Variants in FSTL5 observed in about 807,000 individuals in gnomAD.
The protein encoded by FSTL5 is follistatin like 5.
FSTL5 carries 62 observed loss-of-function variants against 89.1 expected under a neutral mutation model. The ratio of observed to expected loss-of-function variants is 0.70; its 90% CI spans 0.57 to 0.86. The LOEUF (loss-of-function observed/expected upper bound fraction) is 0.86. Ranked by LOEUF, FSTL5 falls within the 40% of genes least tolerant of loss-of-function variation. The probability of loss-of-function intolerance (pLI) is 0.00; values close to 1 mark genes in which losing one functional copy is unlikely to be tolerated. For missense variants in FSTL5, 1,057 were observed against 1,001.6 expected, an observed-to-expected ratio of 1.06 and a Z score of -0.75; for synonymous variants, 383 against 346.2, an observed-to-expected ratio of 1.11 and a Z score of -1.18.
intron 7 of FSTL5, among the ~76,000 whole-genome samples, chr4:161,645,807 A>G (rs1391973368): frequency 6.6e-6 from 1 of 152,068 alleles, no homozygotes; most frequent in Non-Finnish European, 1.5e-5. Flanking sequence ...TTCCACTTGG[A>G]TTTTAAGAGC....
At chr4:161,501,030 C>A (rs72683736) in intron 11 of FSTL5, among the ~76,000 whole-genome samples, 10,937 of 152,040 alleles carry the variant, frequency 0.072, 505 homozygotes, top group Middle Eastern at 0.14. Flanking sequence ...CTCTTTTGAC[C>A]TGTTATATTG....
At chr4:161,892,863 T>C (rs1733031508) in intron 4 of FSTL5, among the ~76,000 whole-genome samples, 1 of 152,268 alleles carries the variant, frequency 6.6e-6, no homozygotes. Context: ...TCCTTAACTT[T>C]TAATTACAAC....
chr4:161,817,265 TAA>T lies in FSTL5; in HGVS notation c.410-41193_410-41192del, dbSNP rs544553013. ...AAACACATGCAACAAGTTGAATAATTAAGTTAAAGGCCTAGATCATAACAAGG... is the reference window on the plus strand; with the variant it reads ...AAACACATGCAACAAGTTGAATAATTGTTAAAGGCCTAGATCATAACAAGG... On this transcript the variant is annotated intron_variant, in intron 4 of 15. Transcript: ENST00000306100. Among the ~76,000 whole-genome samples, 197 of 152,302 alleles carry T rather than the reference TAA, an allele frequency of 1.3e-3. 1 individual carries two copies. Among genetic ancestry groups the T allele is most frequent in the African/African-American group, 3.8e-3 (159 of 41,564 alleles).
At chr4:162,073,360 A>ATATG (rs2111315039) in intron 2 of FSTL5, among the ~76,000 whole-genome samples, 1 of 151,876 alleles carries the variant, frequency 6.6e-6, no homozygotes, top group East Asian at 1.9e-4. Flanking sequence ...TTTCTTATTG[A>ATATG]TATGTGTCTT....
Position 161,450,964 on chromosome 4 carries a change from T to C in FSTL5, c.1841+4040A>G, listed in dbSNP as rs575352405. On this transcript the variant is annotated intron_variant, in intron 15 of 15. Transcript: ENST00000306100. Reference sequence around the variant, plus strand: ...TTTCACCGTGTTAGCCAGGATGGTCTCGATCTCCTGACCTCGTGATCTGCC... The same window carrying C: ...TTTCACCGTGTTAGCCAGGATGGTCCCGATCTCCTGACCTCGTGATCTGCC... Among the ~76,000 whole-genome samples the C allele has an allele frequency of 2.7e-4, 41 of 152,188 alleles. 1 individual carries two copies. The South Asian group carries it at 8.5e-3, about 32-fold the overall frequency.
At chr4:161,791,050 A>G (rs1439926745) in intron 4 of FSTL5, among the ~76,000 whole-genome samples, 1 of 152,174 alleles carries the variant, frequency 6.6e-6, no homozygotes, top group Non-Finnish European at 1.5e-5. Context: ...CTGCATTTCT[A>G]TCATATTTTA....
At chr4:161,487,133 T>C (rs776698480) in intron 12 of FSTL5, among the ~76,000 whole-genome samples, 2 of 152,222 alleles carry the variant, frequency 1.3e-5, no homozygotes, top group Non-Finnish European at 2.9e-5. Context: ...TATATTATAT[T>C]TCCAATTAAA....
intron 12 of FSTL5, among the ~76,000 whole-genome samples, chr4:161,481,503 CT>C (rs1729506124): frequency 6.6e-6 from 1 of 152,062 alleles, no homozygotes; most frequent in South Asian, 2.1e-4. Context: ...TCTCAAGGTT[CT>C]TTAACAGAAT....
intron 3 of FSTL5, among the ~76,000 whole-genome samples, chr4:161,993,664 CTT>C (rs999470673): frequency 4.6e-5 from 7 of 151,834 alleles, no homozygotes; most frequent in South Asian, 2.1e-4. Flanking sequence ...CAAAGAAAGA[CTT>C]TTAAAAACGT....
chr4:161,496,986 A>T (rs1208458879), intron 12 of FSTL5, among the ~76,000 whole-genome samples: 2 of 152,150 alleles, frequency 1.3e-5, no homozygotes, highest in Non-Finnish European at 2.9e-5. Context: ...TTTCTCACGA[A>T]ATTACTTTGG....
chr4:161,696,210 T>G (rs1332909472), intron 6 of FSTL5, among the ~76,000 whole-genome samples: 1 of 152,194 alleles, frequency 6.6e-6, no homozygotes, highest in Non-Finnish European at 1.5e-5. Flanking sequence ...ATTTGTTGAA[T>G]AGGGTGTCCT....
At chr4:161,691,148 TG>T (rs749398373) in intron 6 of FSTL5, among the ~76,000 whole-genome samples, 3 of 152,118 alleles carry the variant, frequency 2.0e-5, no homozygotes, top group Non-Finnish European at 2.9e-5. Flanking sequence ...TATTTGCCCC[TG>T]TTTTTTTTTC....
At chr4:161,438,794 CA>C (rs1324860791) in intron 15 of FSTL5, among the ~76,000 whole-genome samples, 4 of 151,808 alleles carry the variant, frequency 2.6e-5, no homozygotes, top group African/African-American at 9.7e-5. Context: ...TATGAAGTAA[CA>C]TTTTGTAAAG....
At chr4:161,399,513 C>G (rs116471420) in intron 15 of FSTL5, among the ~76,000 whole-genome samples, 2,336 of 152,180 alleles carry the variant, frequency 0.015, 55 homozygotes, top group African/African-American at 0.053. Context: ...CGGCAGGCAA[C>G]CACATCTGTA....
intron 15 of FSTL5, among the ~76,000 whole-genome samples, chr4:161,436,779 G>C (rs1409309046): frequency 3.3e-5 from 5 of 152,142 alleles, no homozygotes; most frequent in Non-Finnish European, 7.4e-5. Context: ...ATATCATTCA[G>C]AATAATTATG....
intron 4 of FSTL5, among the ~76,000 whole-genome samples, chr4:161,812,116 T>C (rs1730167932): frequency 6.6e-6 from 1 of 152,102 alleles, no homozygotes; most frequent in Non-Finnish European, 1.5e-5. Flanking sequence ...CAGCTGAAAA[T>C]TTAATAGAGG....
intron 4 of FSTL5, among the ~76,000 whole-genome samples, chr4:161,849,409 G>T (rs1560880023): frequency 6.7e-6 from 1 of 148,840 alleles, no homozygotes; most frequent in African/African-American, 2.5e-5. Flanking sequence ...AAAACTGCCG[G>T]AAAAAAAAAG....
chr4:161,734,205 T>A (rs1240943615), intron 6 of FSTL5, among the ~76,000 whole-genome samples: 1 of 152,146 alleles, frequency 6.6e-6, no homozygotes, highest in Non-Finnish European at 1.5e-5. Context: ...TTGTGAGTAT[T>A]AATGGGATTT....
At chr4:161,533,479 C>T (rs4266247) in intron 10 of FSTL5, among the ~76,000 whole-genome samples, 151,628 of 152,202 alleles carry the variant, frequency 1, 75,530 homozygotes, top group Middle Eastern at 1. Context: ...CAAGATGAAA[C>T]GTATAAATTC....
Sources: allele counts gnomAD v4.1 joint callset (sites outside exome capture counted in the v4.1 genomes callset), GRCh38; gene constraint gnomAD v4.1.1; transcripts MANE v1.5; gene names NCBI Gene and HGNC (gene_info 2026-07-23, HGNC 2026-07-21).